Variants in SPAG16 observed in about 807,000 individuals in gnomAD.
SPAG16 encodes sperm associated antigen 16.
In SPAG16, 86 loss-of-function variants were observed where a neutral mutation model predicts 80.4. The ratio of observed to expected loss-of-function variants is 1.07; its 90% CI spans 0.90 to 1.28. The LOEUF (loss-of-function observed/expected upper bound fraction) is 1.28, where lower values mean the gene tolerates loss of function less well. Ranked by LOEUF, SPAG16 falls within the 50% of genes most tolerant of loss-of-function variation. The pLI, the probability that SPAG16 is intolerant of heterozygous loss-of-function variation, is 0.00. For synonymous variants in SPAG16, 294 were observed against 265.9 expected (o/e 1.11, Z -1.03); for missense variants, 870 against 765.3 (o/e 1.14, Z -1.61).
At chr2:214,097,655 C>G (rs1048202183) in intron 13 of SPAG16, among the ~76,000 whole-genome samples, 2 of 151,862 alleles carry the variant, frequency 1.3e-5, no homozygotes, top group Non-Finnish European at 2.9e-5. Flanking sequence ...ATTTACCAAA[C>G]TTGCAATGTG....
At chr2:214,323,811 CTAGGAAAGATCAAAT>C (rs1175097495) in intron 15 of SPAG16, among the ~76,000 whole-genome samples, 10 of 152,244 alleles carry the variant, frequency 6.6e-5, no homozygotes, top group African/African-American at 2.4e-4. Context: ...AATGCAAGGG[CTAGGAAAGATCAAAT>C]ATTTATTTGC....
At chr2:214,005,530 T>C (rs1361099417) in intron 12 of SPAG16, among the ~76,000 whole-genome samples, 2 of 152,194 alleles carry the variant, frequency 1.3e-5, no homozygotes, top group African/African-American at 4.8e-5. Flanking sequence ...CTGGCTGAGA[T>C]GCTCAGACCA....
intron 11 of SPAG16, among the ~76,000 whole-genome samples, chr2:213,918,890 A>AT (rs2078087550): frequency 6.6e-6 from 1 of 151,416 alleles, no homozygotes; most frequent in East Asian, 2.0e-4. Flanking sequence ...GAATTTTTCC[A>AT]TTTTTTTCTA....
At chr2:214,060,918 AG>A (rs1462670432) in intron 13 of SPAG16, among the ~76,000 whole-genome samples, 1 of 152,228 alleles carries the variant, frequency 6.6e-6, no homozygotes, top group Non-Finnish European at 1.5e-5. Context: ...ATGATTTTCA[AG>A]ACATCAGACA....
intron 9 of SPAG16, among the ~76,000 whole-genome samples, chr2:213,447,581 G>A (rs1024567086): frequency 1.1e-4 from 17 of 152,114 alleles, no homozygotes; most frequent in Admixed American, 5.9e-4. Flanking sequence ...TAGGCCCCTC[G>A]GATTGCTTCT....
intron 4 of SPAG16, among the ~76,000 whole-genome samples, chr2:213,313,898 A>G (rs2063302148): frequency 6.6e-6 from 1 of 151,800 alleles, no homozygotes; most frequent in African/African-American, 2.4e-5. Flanking sequence ...ATTTCCCTAA[A>G]TCTTTATGAA....
chr2:213,478,276 A>T (rs1159266958), intron 9 of SPAG16, among the ~76,000 whole-genome samples: 3 of 152,208 alleles, frequency 2.0e-5, no homozygotes, highest in Non-Finnish European at 4.4e-5. Context: ...AAGATAGAAG[A>T]ATATTAAACA....
chr2:214,320,025 G>A (rs1249595628), intron 15 of SPAG16, among the ~76,000 whole-genome samples: 3 of 152,172 alleles, frequency 2.0e-5, no homozygotes, highest in Admixed American at 1.3e-4. Context: ...AAGCTCAGGT[G>A]AAATCGTTCT....
At chr2:214,008,669 G>C (rs376199756) in intron 12 of SPAG16, among the ~76,000 whole-genome samples, 1 of 151,790 alleles carries the variant, frequency 6.6e-6, no homozygotes, top group Admixed American at 6.6e-5. Flanking sequence ...CGCTTGAACC[G>C]GGGAGACAGA....
chr2:213,306,298 G>C (rs1272106499), intron 3 of SPAG16, among the ~76,000 whole-genome samples: 1 of 148,182 alleles, frequency 6.7e-6, no homozygotes, highest in Non-Finnish European at 1.5e-5. Context: ...TTGTTTTATT[G>C]ATCTATTGTA....
At position 214,175,057 on chromosome 2, in the gene SPAG16, C is replaced by T. The variant is rs1280853773; in HGVS notation, c.1720+25791C>T. ...GTCTACCTGAACCTGTAAATTGTTA[C>T]TTTATCAGCTATAATTCTTGGGTTG... On this transcript the variant is annotated intron_variant, in intron 15 of 15. Coordinates refer to ENST00000331683, the MANE Select transcript of SPAG16 (RefSeq NM_024532.5). 2.0e-5 allele frequency among the ~76,000 whole-genome samples: 3 copies of T among 151,446 alleles called. No individual in the cohort carries two copies. In the East Asian group the frequency reaches 5.8e-4, roughly 30 times the overall value.
intron 15 of SPAG16, among the ~76,000 whole-genome samples, chr2:214,409,366 TC>T (rs1702173005): frequency 6.6e-6 from 1 of 152,062 alleles, no homozygotes; most frequent in South Asian, 2.1e-4. Context: ...TTTACTTAAC[TC>T]CAAGTCCCAT....
At chr2:213,518,137 G>T (rs1174218218) in intron 10 of SPAG16, among the ~76,000 whole-genome samples, 2 of 152,132 alleles carry the variant, frequency 1.3e-5, no homozygotes, top group Admixed American at 6.5e-5. Flanking sequence ...ATGGGCAAAG[G>T]ACCTGAATAG....
chr2:213,414,092 A>G (rs1340953181), intron 9 of SPAG16, among the ~76,000 whole-genome samples: 1 of 152,184 alleles, frequency 6.6e-6, no homozygotes, highest in Admixed American at 6.5e-5. Context: ...TTTATGTTTA[A>G]TAATTCATTT....
At chr2:213,394,355 A>G (rs2067929045) in intron 9 of SPAG16, among the ~76,000 whole-genome samples, 1 of 152,138 alleles carries the variant, frequency 6.6e-6, no homozygotes, top group South Asian at 2.1e-4. Flanking sequence ...CTGTCTCTGT[A>G]ATTTCTTAAA....
chr2:214,002,639 T>C (rs546277951), intron 12 of SPAG16, among the ~76,000 whole-genome samples: 2 of 152,150 alleles, frequency 1.3e-5, no homozygotes, highest in South Asian at 4.1e-4. Flanking sequence ...AACCTGAAGG[T>C]CTGTGAACCA....
intron 11 of SPAG16, among the ~76,000 whole-genome samples, chr2:213,886,981 G>A (rs956908654): frequency 6.6e-6 from 1 of 151,856 alleles, no homozygotes; most frequent in Non-Finnish European, 1.5e-5. Context: ...GCTGGGAGTT[G>A]GAAGAAATGT....
intron 9 of SPAG16, among the ~76,000 whole-genome samples, chr2:213,472,816 T>C (rs1348442426): frequency 1.3e-5 from 2 of 152,224 alleles, no homozygotes; most frequent in African/African-American, 4.8e-5. Context: ...AGAATCAATG[T>C]CAGCTCAGAG....
chr2:213,998,489 T>C (rs1055582430), intron 12 of SPAG16, among the ~76,000 whole-genome samples: 1 of 152,212 alleles, frequency 6.6e-6, no homozygotes, highest in Non-Finnish European at 1.5e-5. Flanking sequence ...TCCCCAGCCA[T>C]GCAGAACTCT....
Sources: allele counts gnomAD v4.1 joint callset (sites outside exome capture counted in the v4.1 genomes callset), GRCh38; gene constraint gnomAD v4.1.1; transcripts MANE v1.5; gene names NCBI Gene and HGNC (gene_info 2026-07-23, HGNC 2026-07-21).